PPIL6: variants seen among roughly 807,000 people sequenced by gnomAD.
The protein encoded by PPIL6 is peptidylprolyl isomerase like 6.
PPIL6 carries 39 observed loss-of-function variants against 36.8 expected under a neutral mutation model. That is an observed-to-expected ratio of 1.06 (90% CI 0.82 to 1.38). PPIL6 has a LOEUF of 1.38. Among genes scored for constraint, PPIL6 ranks in the 40% most tolerant of loss-of-function variants. The pLI is 0.00. For synonymous variants in PPIL6, 123 were observed against 134.1 expected, an observed-to-expected ratio of 0.92 and a Z score of 0.57; for missense variants, 368 against 379.1, an observed-to-expected ratio of 0.97 and a Z score of 0.24.
chr6:109,419,233 A>C lies in PPIL6; in HGVS notation c.642T>G (p.Tyr214Ter). 1 of 1,542,804 alleles carries C rather than the reference A, an allele frequency of 6.5e-7. No homozygotes were observed. Among genetic ancestry groups the C allele is most frequent in the South Asian group, 1.1e-5 (1 of 89,434 alleles). ...TCGACTCTCCATTATCTCCTTTTCCATACACTATATCTGAGAAATAGCAAC... is the reference window on the plus strand; with the variant it reads ...TCGACTCTCCATTATCTCCTTTTCCCTACACTATATCTGAGAAATAGCAAC... ...NGWIQGGDIV[Y>*]GKGDNGESIY... Residue 214 changes from tyrosine (Y) to a stop codon, truncating the protein, a stop_gained, in exon 6 of 8, where the codon TAT becomes TAG. Transcript: ENST00000521072. LOFTEE classifies it high-confidence loss of function.
At chr6:109,394,223 A>C (rs1021097980) in intron 7 of PPIL6, among the ~76,000 whole-genome samples, 1 of 152,090 alleles carries the variant, frequency 6.6e-6, no homozygotes, top group African/African-American at 2.4e-5. Flanking sequence ...AATACCAAAA[A>C]TTAACTGGGC....
intron 3 of PPIL6, among the ~76,000 whole-genome samples, chr6:109,427,876 G>A (rs1009234055): frequency 2.6e-5 from 4 of 152,124 alleles, no homozygotes; most frequent in Non-Finnish European, 5.9e-5. Flanking sequence ...CTATTTTTGG[G>A]AAGGATCCAT....
intron 6 of PPIL6, among the ~76,000 whole-genome samples, chr6:109,410,057 C>A (rs1772954568): frequency 6.6e-6 from 1 of 152,062 alleles, no homozygotes; most frequent in African/African-American, 2.4e-5. Context: ...CCAGCAGACC[C>A]ATGGATTACC....
At position 109,436,159 on chromosome 6, in the gene PPIL6, A is replaced by G. The variant is rs774342453; in HGVS notation, c.176T>C (p.Ile59Thr). The G allele has an allele frequency of 1.4e-5, 22 of 1,584,156 alleles. No individual in the cohort carries two copies. The Middle Eastern group carries it at 5.0e-4, about 36-fold the overall frequency. The change falls in exon 2 of 8, where the codon ATA becomes ACA. Residue 59 changes from isoleucine to threonine, a missense_variant. Coordinates refer to ENST00000521072, the MANE Select transcript of PPIL6 (RefSeq NM_173672.5). ...NNHPSKFEDP[I>T]LVPLQEFAWH... ...TGCAAATTCTTGAAGAGGAACTAATATAGGATCTTCAAATTTGGATGGATG... is the reference window on the plus strand; with the variant it reads ...TGCAAATTCTTGAAGAGGAACTAATGTAGGATCTTCAAATTTGGATGGATG...
At chr6:109,396,140 C>G (rs1772297912) in intron 7 of PPIL6, among the ~76,000 whole-genome samples, 2 of 152,190 alleles carry the variant, frequency 1.3e-5, no homozygotes, top group South Asian at 4.1e-4. Flanking sequence ...AGTTTGTCCA[C>G]TTATCACCTG....
chr6:109,432,925 T>A (rs1460695721), intron 2 of PPIL6, among the ~76,000 whole-genome samples: 5 of 152,174 alleles, frequency 3.3e-5, no homozygotes, highest in Admixed American at 6.5e-5. Flanking sequence ...TATGCCCTTA[T>A]CAAAACCTGC....
intron 6 of PPIL6, chr6:109,403,149 A>C (rs1772634689): frequency 7.2e-7 from 1 of 1,396,428 alleles, no homozygotes; most frequent in Non-Finnish European, 9.5e-7. Context: ...AATTAAATTA[A>C]ATTTTTTTAG....
In PPIL6 at chr6:109,391,319, A is replaced by AAAGCACTC. The variant is rs1430044763; in HGVS notation, c.*1499_*1506dup. 1 of 152,096 alleles carries AAAGCACTC rather than the reference A, an allele frequency of 6.6e-6. No individual in the cohort carries two copies. The highest frequency in any genetic ancestry group is 6.6e-5 in the Admixed American group (1 of 15,100). The allele number at this position is 152,096 out of a possible 1,614,324, so 9.4% of individuals were successfully genotyped here. ...AAAAAAAAAAAAAAAAAAAAAAAGAAAAGCACTCTTAGTCTGGGCAGAGCA... is the reference window on the plus strand; with the variant it reads ...AAAAAAAAAAAAAAAAAAAAAAAGAAAAGCACTCAAGCACTCTTAGTCTGGGCAGAGCA... On this transcript the variant is annotated 3_prime_UTR_variant, in exon 8 of 8. Coordinates refer to ENST00000521072, the MANE Select transcript of PPIL6 (RefSeq NM_173672.5).
intron 6 of PPIL6, among the ~76,000 whole-genome samples, chr6:109,412,818 T>C (rs996619678): frequency 9.2e-5 from 14 of 152,002 alleles, no homozygotes; most frequent in African/African-American, 1.5e-4. Flanking sequence ...TCTGGACAAA[T>C]GGGATCATAT....
chr6:109,416,200 C>CTTTT (rs35427534), intron 6 of PPIL6, among the ~76,000 whole-genome samples: 2 of 112,516 alleles, frequency 1.8e-5, no homozygotes, highest in African/African-American at 3.6e-5. Flanking sequence ...TCTTTTGTGG[C>CTTTT]TTTTTTTTTT....
At chr6:109,433,631 T>C (rs1014718791) in intron 2 of PPIL6, among the ~76,000 whole-genome samples, 1 of 152,132 alleles carries the variant, frequency 6.6e-6, no homozygotes, top group Middle Eastern at 3.2e-3. Flanking sequence ...GCCATCCACT[T>C]AGGGTGGCAC....
At chr6:109,401,488 TAAGC>T (rs1028003852) in intron 6 of PPIL6, among the ~76,000 whole-genome samples, 5 of 152,268 alleles carry the variant, frequency 3.3e-5, no homozygotes, top group Admixed American at 2.6e-4. Flanking sequence ...GTTTCAAAAC[TAAGC>T]AAACTAAGTG....
At chr6:109,410,878 A>G (rs1174180672) in intron 6 of PPIL6, among the ~76,000 whole-genome samples, 1 of 152,164 alleles carries the variant, frequency 6.6e-6, no homozygotes, top group African/African-American at 2.4e-5. Context: ...TCCAGAAAAC[A>G]AAGGGTGTCC....
intron 2 of PPIL6, among the ~76,000 whole-genome samples, chr6:109,432,190 A>G (rs1299657541): frequency 6.6e-6 from 1 of 152,190 alleles, no homozygotes; most frequent in Admixed American, 6.5e-5. Flanking sequence ...ATGGGGTTCA[A>G]TGCAGAGGAC....
At chr6:109,427,276 A>C in intron 3 of PPIL6, 120 bp from the exon 4 acceptor site, 1 of 608,092 alleles carries the variant, frequency 1.6e-6, no homozygotes, top group African/African-American at 1.9e-5. Context: ...TAACATTACC[A>C]ATGGATAATA....
intron 1 of PPIL6, among the ~76,000 whole-genome samples, chr6:109,439,565 C>A (rs928139824): frequency 6.6e-6 from 1 of 152,178 alleles, no homozygotes; most frequent in African/African-American, 2.4e-5. Context: ...CCATGTTGGC[C>A]AGGCTGGTCT....
chr6:109,416,724 T>A (rs954040811), intron 6 of PPIL6, among the ~76,000 whole-genome samples: 2 of 152,192 alleles, frequency 1.3e-5, no homozygotes, highest in South Asian at 2.1e-4. Flanking sequence ...AATTAAATTA[T>A]CCAGTTTTAG....
intron 6 of PPIL6, among the ~76,000 whole-genome samples, chr6:109,402,625 C>T (rs1016000764): frequency 6.6e-6 from 1 of 152,028 alleles, no homozygotes; most frequent in Admixed American, 6.6e-5. Context: ...ATTTGAGAAC[C>T]ATTGCTATAA....
In PPIL6 at chr6:109,436,167, T is replaced by C; in HGVS notation, c.168A>G (p.Glu56=). ...CTTGAAGAGGAACTAATATAGGATC[T>C]TCAAATTTGGATGGATGATTATTCT... ...NLKNNHPSKF[E]DPILVPLQEF... The change falls in exon 2 of 8, where the codon GAA becomes GAG. Residue 56 remains glutamate (E), a synonymous_variant. Transcript: ENST00000521072. 1 of 1,578,540 alleles carries C rather than the reference T, an allele frequency of 6.3e-7. No individual in the cohort carries two copies. Among genetic ancestry groups the C allele is most frequent in the Non-Finnish European group, 8.7e-7 (1 of 1,148,054 alleles).
Sources: gnomAD v4.1 joint callset for allele counts (sites outside exome capture counted in the v4.1 genomes callset) on GRCh38, gnomAD v4.1.1 for gene constraint, MANE v1.5 for transcripts, NCBI Gene and HGNC (gene_info 2026-07-23, HGNC 2026-07-21) for gene names.